Variants in TMEM232 observed in about 807,000 individuals in gnomAD.
The protein encoded by TMEM232 is transmembrane protein 232.
Under a neutral mutation model 78.8 loss-of-function variants are expected in TMEM232, and 80 were observed. That is an observed-to-expected ratio of 1.01 (90% confidence interval 0.85 to 1.22). The LOEUF is 1.22. Among genes scored for constraint, TMEM232 ranks in the 50% most tolerant of loss-of-function variants. The probability of loss-of-function intolerance (pLI) is 0.00; values close to 1 mark genes in which losing one functional copy is unlikely to be tolerated. For synonymous variants in TMEM232, 297 were observed against 254.3 expected (o/e 1.17, Z -1.60); for missense variants, 881 against 742.2 (o/e 1.19, Z -2.17).
chr5:110,479,974 T>C lies in TMEM232; in HGVS notation c.1703+48614A>G, dbSNP rs534436409. 5.3e-5 allele frequency among the ~76,000 whole-genome samples: 8 copies of C among 152,042 alleles called. No homozygotes were observed. The South Asian group carries it at 1.7e-3, about 31-fold the overall frequency. On this transcript the variant is annotated intron_variant, in intron 12 of 13. Transcript: ENST00000455884. ...GAGAAAAAAATACATAATTTCATTT[T>C]TTTTCCTCCTGTAAATATGTTCAGT...
intron 12 of TMEM232, among the ~76,000 whole-genome samples, chr5:110,494,212 C>T (rs531120479): frequency 1.3e-5 from 2 of 151,900 alleles, no homozygotes; most frequent in Non-Finnish European, 2.9e-5. Context: ...TCATTAAAAC[C>T]ATAAAACTTC....
intron 1 of TMEM232, among the ~76,000 whole-genome samples, chr5:110,696,645 C>T (rs1252122647): frequency 6.6e-6 from 1 of 152,116 alleles, no homozygotes; most frequent in African/African-American, 2.4e-5. Context: ...CACAAGCATT[C>T]TTATACATCA....
rs1196777387 is a variant in TMEM232 at position 110,735,108 on chromosome 5, G to A, written c.-125-93C>T. 3.9e-5 allele frequency: 6 copies of A among 152,332 alleles called. No homozygotes were observed. In the East Asian group the frequency reaches 9.6e-4, roughly 24 times the overall value. 9.4% of individuals were successfully genotyped at this position (152,332 alleles called of 1,614,324 possible). ...GTAGGTGCTTAATATATGTTGCTGA[G>A]TGAATTCTTGAATAAAAAATATAGG... On this transcript the variant is annotated intron_variant, in intron 1 of 4. Transcript: ENST00000512886.
intron 1 of TMEM232, among the ~76,000 whole-genome samples, chr5:110,715,478 A>T (rs111967687): frequency 0.01 from 1,589 of 152,310 alleles, 14 homozygotes; most frequent in African/African-American, 0.036. Flanking sequence ...ACTGAATGTC[A>T]CTGTAAATAT....
chr5:110,435,202 G>A (rs548468732), intron 12 of TMEM232, among the ~76,000 whole-genome samples: 2 of 151,828 alleles, frequency 1.3e-5, no homozygotes, highest in African/African-American at 4.8e-5. Context: ...AAGGCTCCTA[G>A]ACCTATTAAA....
chr5:110,687,631 G>A (rs244410), intron 1 of TMEM232, among the ~76,000 whole-genome samples: 1 of 151,868 alleles, frequency 6.6e-6, no homozygotes, highest in South Asian at 2.1e-4. Context: ...TATTGTTTTG[G>A]GAAAAAAAGG....
At chr5:110,690,121 C>A (rs2150220477) in intron 1 of TMEM232, among the ~76,000 whole-genome samples, 1 of 152,162 alleles carries the variant, frequency 6.6e-6, no homozygotes, top group Non-Finnish European at 1.5e-5. Flanking sequence ...GCAACAAAAG[C>A]CAAAATTGAC....
intron 1 of TMEM232, among the ~76,000 whole-genome samples, chr5:110,669,756 A>G (rs1791112119): frequency 6.6e-6 from 1 of 152,238 alleles, no homozygotes; most frequent in Non-Finnish European, 1.5e-5. Context: ...AACTGAATCC[A>G]GCAGCACATC....
chr5:110,491,433 T>C (rs1255833856), intron 12 of TMEM232, among the ~76,000 whole-genome samples: 1 of 151,966 alleles, frequency 6.6e-6, no homozygotes, highest in East Asian at 1.9e-4. Flanking sequence ...AAACTCTATG[T>C]AAAATGTCCA....
Position 110,638,259 on chromosome 5 carries a change from C to G in TMEM232, c.440G>C (p.Arg147Thr). ...LFFVAESVLY[R>T]LCCDASLKTY... is the part of the protein sequence containing the mutation. ...TTTGAGGGATGCATCACAACACAGT[C>G]TGTATAAAACCGATTCCGCAACAAA... is the stretch of plus-strand genomic sequence containing the variant. The change falls in exon 5 of 14, where the codon AGA (arginine) becomes ACA (threonine). Residue 147 changes from arginine to threonine, a missense_variant. Physicochemically the swap from Arg to Thr is moderately conservative, Grantham distance 71. Transcript: ENST00000455884. 1 of 1,550,636 alleles carries G rather than the reference C, an allele frequency of 6.4e-7. No homozygotes were observed. Among genetic ancestry groups the G allele is most frequent in the Non-Finnish European group, 8.7e-7 (1 of 1,146,444 alleles).
Position 110,605,237 on chromosome 5 carries a change from AT to A in TMEM232, c.1147del (p.Ile383LeufsTer24). 6.4e-7 allele frequency: 1 copy of A among 1,551,236 alleles called. No individual in the cohort carries two copies. The highest frequency in any genetic ancestry group is 8.7e-7 in the Non-Finnish European group (1 of 1,146,730). On this transcript the variant is annotated frameshift_variant, in exon 10 of 14. Transcript: ENST00000455884. LOFTEE classifies it high-confidence loss of function. ...TGAACTTTTACAGTGACAGAAACCA[AT>A]TAAAGCAGTTTTTCGCAAATCAGAA... is the stretch of plus-strand genomic sequence containing the variant. ...ATSDLRKTAL[I>X]GFCHCKSSQK...
intron 2 of TMEM232, among the ~76,000 whole-genome samples, chr5:110,651,116 G>A (rs1253912623): frequency 1.3e-5 from 2 of 152,134 alleles, no homozygotes; most frequent in Admixed American, 1.3e-4. Context: ...TGCTAGGCAA[G>A]AGGACACAAA....
rs775392111 is a variant in TMEM232 at position 110,665,891 on chromosome 5, C to CAA, written c.125+1335_125+1336dup. Among the ~76,000 whole-genome samples the CAA allele has an allele frequency of 4.3e-3, 274 of 63,654 alleles. 2 individuals are homozygous for CAA. In the East Asian group the frequency reaches 0.046, roughly 11 times the overall value. The allele number at this position is 63,654 out of a possible 152,430, so 41.8% of individuals were successfully genotyped here. ...GCAACAAAGCATGACCCCATCTCCA[C>CAA]AAAAAAAAAAAAAAAAAAAAACTAA... is the stretch of plus-strand genomic sequence containing the variant. On this transcript the variant is annotated intron_variant, in intron 2 of 13. Coordinates refer to ENST00000455884, the MANE Select transcript of TMEM232 (RefSeq NM_001039763.4).
At chr5:110,523,224 A>G (rs1769810968) in intron 12 of TMEM232, among the ~76,000 whole-genome samples, 2 of 152,046 alleles carry the variant, frequency 1.3e-5, no homozygotes, top group African/African-American at 4.8e-5. Flanking sequence ...TATGATCCTT[A>G]TATTTCTGTG....
intron 12 of TMEM232, among the ~76,000 whole-genome samples, chr5:110,428,022 A>C (rs1214207765): frequency 1.3e-5 from 2 of 151,852 alleles, no homozygotes; most frequent in African/African-American, 4.8e-5. Context: ...TTATTTTAAA[A>C]TGTACAATTA....
intron 5 of TMEM232, among the ~76,000 whole-genome samples, chr5:110,637,348 T>C (rs533757406): frequency 6.6e-6 from 1 of 151,794 alleles, no homozygotes; most frequent in East Asian, 1.9e-4. Flanking sequence ...CTACTTTTGC[T>C]TGGTCTCCAC....
At chr5:110,561,074 A>T (rs1775681408) in intron 11 of TMEM232, among the ~76,000 whole-genome samples, 1 of 152,156 alleles carries the variant, frequency 6.6e-6, no homozygotes, top group Non-Finnish European at 1.5e-5. Flanking sequence ...ATTATTACAT[A>T]AAATTTATGT....
intron 12 of TMEM232, among the ~76,000 whole-genome samples, chr5:110,478,053 C>T (rs1763445316): frequency 6.6e-6 from 1 of 151,788 alleles, no homozygotes; most frequent in Non-Finnish European, 1.5e-5. Flanking sequence ...ATAGCATTAC[C>T]ATGTGACATG....
chr5:110,640,651 C>T (rs1246764296), intron 4 of TMEM232, among the ~76,000 whole-genome samples: 1 of 151,442 alleles, frequency 6.6e-6, no homozygotes, highest in Non-Finnish European at 1.5e-5. Context: ...CTAATTTTGG[C>T]AAAAAAGTAA....
Sources: allele counts gnomAD v4.1 joint callset (sites outside exome capture counted in the v4.1 genomes callset), GRCh38; gene constraint gnomAD v4.1.1; transcripts MANE v1.5; gene names NCBI Gene and HGNC (gene_info 2026-07-23, HGNC 2026-07-21).